Variants in DLGAP1 observed in about 807,000 individuals in gnomAD.
The protein encoded by DLGAP1 is DLG associated protein 1.
DLGAP1 carries 11 observed loss-of-function variants against 90.8 expected under a neutral mutation model. The ratio of observed to expected loss-of-function variants is 0.12; its 90% CI spans 0.08 to 0.20. The LOEUF is 0.20. DLGAP1 is among the 10% of genes least tolerant of loss of function. The pLI is 1.00. For synonymous variants in DLGAP1, 558 were observed against 540.7 expected, an observed-to-expected ratio of 1.03 and a Z score of -0.44; for missense variants, 1,050 against 1,333.8, an observed-to-expected ratio of 0.79 and a Z score of 3.31.
chr18:4,048,077 C>G (rs1056217907), intron 2 of DLGAP1, among the ~76,000 whole-genome samples: 1 of 152,154 alleles, frequency 6.6e-6, no homozygotes, highest in African/African-American at 2.4e-5. Context: ...GGATTGCAGG[C>G]ATGATCCACA....
chr18:3,993,987 T>C (rs988920), intron 3 of DLGAP1, among the ~76,000 whole-genome samples: 41,770 of 152,020 alleles, frequency 0.27, 5,870 homozygotes, highest in Middle Eastern at 0.4. Flanking sequence ...CCTTTTGGTT[T>C]GGTAAGAATG....
At chr18:4,175,904 G>T (rs1179615475) in intron 1 of DLGAP1, among the ~76,000 whole-genome samples, 3 of 152,090 alleles carry the variant, frequency 2.0e-5, no homozygotes, top group Non-Finnish European at 4.4e-5. Context: ...TGTCTTGGCT[G>T]TATGGGGTGT....
chr18:4,291,834 C>A (rs2079856836), intron 1 of DLGAP1, among the ~76,000 whole-genome samples: 1 of 152,050 alleles, frequency 6.6e-6, no homozygotes, highest in African/African-American at 2.4e-5. Context: ...TAGTACGAAG[C>A]ATCGATCTTG....
intron 2 of DLGAP1, among the ~76,000 whole-genome samples, chr18:4,057,105 G>C (rs2075231934): frequency 6.7e-6 from 1 of 150,280 alleles, no homozygotes. Context: ...CAGGAGAGGG[G>C]CTCCTGCCAC....
chr18:3,510,109 A>G (rs941219990), intron 10 of DLGAP1, among the ~76,000 whole-genome samples: 3 of 152,144 alleles, frequency 2.0e-5, no homozygotes, highest in African/African-American at 7.2e-5. Context: ...TAATAAATCA[A>G]TTGTGCAAGA....
chr18:4,115,094 T>C (rs1253449542), intron 2 of DLGAP1, among the ~76,000 whole-genome samples: 1 of 152,190 alleles, frequency 6.6e-6, no homozygotes, highest in Non-Finnish European at 1.5e-5. Flanking sequence ...ATTTAACTTA[T>C]CTTAATGATC....
intron 1 of DLGAP1, among the ~76,000 whole-genome samples, chr18:4,314,933 C>T (rs750917401): frequency 3.3e-5 from 5 of 152,100 alleles, no homozygotes; most frequent in Admixed American, 2.0e-4. Context: ...CCAGGTTTAC[C>T]GAGGGACAAT....
intron 1 of DLGAP1, among the ~76,000 whole-genome samples, chr18:4,368,636 TACACAC>T (rs55840615): frequency 0.51 from 68,424 of 134,788 alleles, 17,664 homozygotes; most frequent in Admixed American, 0.58. Flanking sequence ...CTCTCTCTCA[TACACAC>T]ACACACACAC....
chr18:4,435,980 C>T (rs1256353505), intron 1 of DLGAP1, among the ~76,000 whole-genome samples: 2 of 152,026 alleles, frequency 1.3e-5, no homozygotes, highest in Non-Finnish European at 2.9e-5. Flanking sequence ...AGTTAAAGGA[C>T]AATAGACTGC....
At chr18:4,338,696 TTAAA>T (rs1292282466) in intron 1 of DLGAP1, among the ~76,000 whole-genome samples, 1 of 152,320 alleles carries the variant, frequency 6.6e-6, no homozygotes, top group South Asian at 2.1e-4. Context: ...GAATAAGACA[TTAAA>T]TAAATTTACA....
intron 2 of DLGAP1, among the ~76,000 whole-genome samples, chr18:4,134,208 G>T (rs9957929): frequency 6.6e-6 from 1 of 151,694 alleles, no homozygotes; most frequent in Admixed American, 6.6e-5. Context: ...AGAAACACCC[G>T]TGTTCTCCTG....
At chr18:4,277,633 G>C (rs2079446426) in intron 1 of DLGAP1, among the ~76,000 whole-genome samples, 1 of 152,116 alleles carries the variant, frequency 6.6e-6, no homozygotes, top group Non-Finnish European at 1.5e-5. Flanking sequence ...AACCCATTAT[G>C]AAATTGCACT....
At chr18:3,521,388 G>A (rs2051177768) in intron 10 of DLGAP1, among the ~76,000 whole-genome samples, 2 of 152,162 alleles carry the variant, frequency 1.3e-5, no homozygotes, top group South Asian at 4.1e-4. Context: ...CTTCAGCAGG[G>A]CAGGTGCAGG....
At chr18:3,772,033 A>C (rs2064580447) in intron 5 of DLGAP1, among the ~76,000 whole-genome samples, 10 of 152,226 alleles carry the variant, frequency 6.6e-5, no homozygotes, top group Admixed American at 6.5e-4. Context: ...ATAGATTGCA[A>C]TATTTGACTA....
chr18:3,657,104 C>A (rs1441374514), intron 7 of DLGAP1, among the ~76,000 whole-genome samples: 1 of 152,158 alleles, frequency 6.6e-6, no homozygotes, highest in African/African-American at 2.4e-5. Context: ...TGATAACAAT[C>A]ATTTGATTTA....
intron 3 of DLGAP1, among the ~76,000 whole-genome samples, chr18:3,929,011 T>A (rs1475361986): frequency 2.0e-5 from 3 of 152,140 alleles, no homozygotes; most frequent in Non-Finnish European, 4.4e-5. Context: ...TGCTCTGTCT[T>A]CCTCCTGCTC....
intron 1 of DLGAP1, among the ~76,000 whole-genome samples, chr18:4,237,968 G>A (rs1385623458): frequency 6.6e-6 from 1 of 152,130 alleles, no homozygotes; most frequent in Non-Finnish European, 1.5e-5. Context: ...GATGCCATAT[G>A]CCATTTAAAG....
chr18:3,894,694 G>A (rs529704691), intron 3 of DLGAP1: 3 of 152,090 alleles, frequency 2.0e-5, no homozygotes, highest in East Asian at 1.9e-4. Context: ...ATGAATTTTC[G>A]GATTAAAAAT....
intron 3 of DLGAP1, among the ~76,000 whole-genome samples, chr18:3,935,751 TG>T (rs1211498349): frequency 1.3e-5 from 2 of 152,202 alleles, no homozygotes; most frequent in Non-Finnish European, 2.9e-5. Flanking sequence ...ATGTTGAAGA[TG>T]GGGACTGTCA....
Sources: allele counts gnomAD v4.1 joint callset (sites outside exome capture counted in the v4.1 genomes callset), GRCh38; gene constraint gnomAD v4.1.1; transcripts MANE v1.5; gene names NCBI Gene and HGNC (gene_info 2026-07-23, HGNC 2026-07-21).